The following APOOL variants were observed in gnomAD, a reference collection of about 807,000 sequenced individuals.
The protein encoded by APOOL is apolipoprotein O like, also known as MICOS complex subunit MIC27.
In APOOL, 12 loss-of-function variants were observed where a neutral mutation model predicts 23.1. The observed-to-expected ratio is 0.52, with a 90% confidence interval of 0.33 to 0.84. The LOEUF (loss-of-function observed/expected upper bound fraction) is 0.84, where lower values mean the gene tolerates loss of function less well. Ranked by LOEUF, APOOL falls within the 40% of genes least tolerant of loss-of-function variation. The pLI is 0.02. For synonymous variants in APOOL, 77 were observed against 69.9 expected, an observed-to-expected ratio of 1.10 and a Z score of -0.51; for missense variants, 212 against 199.6, an observed-to-expected ratio of 1.06 and a Z score of -0.37.
At chrX:85,024,164 T>G (rs1234052629) in intron 1 of APOOL, among the ~76,000 whole-genome samples, 2 of 112,533 alleles carry the variant, frequency 1.8e-5, no homozygotes, top group African/African-American at 6.5e-5. Flanking sequence ...TTAAGCATTT[T>G]AAACCAGCAA....
chrX:85,038,049 G>A (rs1229922689), intron 1 of APOOL, among the ~76,000 whole-genome samples: 3 of 111,833 alleles, frequency 2.7e-5, no homozygotes, highest in African/African-American at 6.5e-5. Flanking sequence ...AACCTACAGA[G>A]TGGGAGAAAA....
intron 1 of APOOL, among the ~76,000 whole-genome samples, chrX:85,039,738 T>C (rs976786891): frequency 2.7e-5 from 3 of 111,818 alleles, no homozygotes; most frequent in African/African-American, 9.8e-5. Context: ...CTTTTTCATA[T>C]TGTGTTTCCT....
chrX:85,013,866 C>A (rs753883912), intron 1 of APOOL, among the ~76,000 whole-genome samples: 7 of 111,391 alleles, frequency 6.3e-5, no homozygotes, highest in Non-Finnish European at 1.3e-4. Context: ...TCCATTGTTT[C>A]TTTGTTGACT....
intron 1 of APOOL, among the ~76,000 whole-genome samples, chrX:85,023,358 C>T (rs1418674468): frequency 9.0e-6 from 1 of 111,497 alleles, no homozygotes; most frequent in Non-Finnish European, 1.9e-5. Flanking sequence ...TAAATTTAGC[C>T]AAGTAAGTGA....
In APOOL at chrX:85,088,316, GTTTTTTTTTTTTTTTT is replaced by G. The variant is rs766497759; in HGVS notation, c.*652_*667del. 8.9e-5 allele frequency: 2 copies of G among 22,533 alleles called. No individual in the cohort carries two copies. Among genetic ancestry groups the G allele is most frequent in the East Asian group, 1.7e-3 (1 of 589 alleles). The allele number at this position is 22,533 out of a possible 1,213,427, so 1.9% of individuals were successfully genotyped here. A position where few individuals can be genotyped will look rare whatever the true frequency, so the allele number is the denominator to read the frequency against. ...TGTATGGAAAGGTGTGTTTCCCTCT[GTTTTTTTTTTTTTTTT>G]TTTTTTTTTTTTTCCCATTTCCTAG... On this transcript the variant is annotated 3_prime_UTR_variant, in exon 9 of 9. Coordinates refer to ENST00000373173, the MANE Select transcript of APOOL (RefSeq NM_198450.6).
chrX:85,055,083 G>A (rs1475521997), intron 4 of APOOL, among the ~76,000 whole-genome samples: 2 of 111,723 alleles, frequency 1.8e-5, no homozygotes, highest in Non-Finnish European at 3.8e-5. Flanking sequence ...GAGCTAAAAT[G>A]TTGAATGTTT....
At chrX:85,028,950 G>A (rs1921938796) in intron 1 of APOOL, among the ~76,000 whole-genome samples, 1 of 111,407 alleles carries the variant, frequency 9.0e-6, no homozygotes, top group African/African-American at 3.3e-5. Flanking sequence ...TGGACACTTA[G>A]GTTGTTTCCA....
At chrX:85,067,807 A>T (rs1309237759) in intron 6 of APOOL, among the ~76,000 whole-genome samples, 1 of 111,621 alleles carries the variant, frequency 9.0e-6, no homozygotes, top group Non-Finnish European at 1.9e-5. Flanking sequence ...TCAGTGTTTT[A>T]TTTTTAACAC....
chrX:85,023,447 G>C (rs777082667), intron 1 of APOOL, among the ~76,000 whole-genome samples: 10 of 111,722 alleles, frequency 9.0e-5, no homozygotes, highest in Non-Finnish European at 1.9e-4. Context: ...GTTATGAATT[G>C]AGAGAATTCA....
rs1043720612 is a variant in APOOL at position 85,054,249 on chromosome X, A to G, written c.241-95A>G. 135 of 774,835 alleles carry G rather than the reference A, an allele frequency of 1.7e-4. 1 individual carries two copies. In the African/African-American group the frequency reaches 2.4e-3, roughly 14 times the overall value. 63.9% of individuals were successfully genotyped at this position (774,835 alleles called of 1,213,427 possible). A position where few individuals can be genotyped will look rare whatever the true frequency, so the allele number is the denominator to read the frequency against. On this transcript the variant is annotated intron_variant, in intron 3 of 8. Coordinates refer to ENST00000373173, the MANE Select transcript of APOOL (RefSeq NM_198450.6). ...TAGATTTGGGCATAATGTTAAGTCAACCTTTTAATATAATCTCAGAGATGC... is the reference window on the plus strand; with the variant it reads ...TAGATTTGGGCATAATGTTAAGTCAGCCTTTTAATATAATCTCAGAGATGC...
At position 85,091,999 on chromosome X, in the gene APOOL, AC is replaced by A; in HGVS notation, c.*4322del. On this transcript the variant is annotated 3_prime_UTR_variant, in exon 9 of 9. Transcript: ENST00000373173. Reference sequence around the variant, plus strand: ...CAAAAGTTTGAGACCAGCCTGAGCAACATAGCAAGATCCTGCCTCTAAAAAC... The same window carrying A: ...CAAAAGTTTGAGACCAGCCTGAGCAAATAGCAAGATCCTGCCTCTAAAAAC... 8.0e-6 allele frequency: 1 copy of A among 124,372 alleles called. No individual in the cohort carries two copies. The highest frequency in any genetic ancestry group is 1.7e-5 in the Non-Finnish European group (1 of 60,414). The allele number at this position is 124,372 out of a possible 1,213,427, so 10.2% of individuals were successfully genotyped here. A position where few individuals can be genotyped will look rare whatever the true frequency, so the allele number is the denominator to read the frequency against.
chrX:85,013,364 T>G (rs1921357288), intron 1 of APOOL, among the ~76,000 whole-genome samples: 1 of 111,694 alleles, frequency 9.0e-6, no homozygotes, highest in South Asian at 3.7e-4. Flanking sequence ...TCTTCTAGCT[T>G]TAGGTTTAGT....
chrX:85,015,951 G>T (rs1445879837), intron 1 of APOOL, among the ~76,000 whole-genome samples: 1 of 110,612 alleles, frequency 9.0e-6, no homozygotes, highest in Non-Finnish European at 1.9e-5. Flanking sequence ...TAGTTATAAA[G>T]AGAGCCTTTG....
chrX:85,041,198 G>A (rs1342763597), intron 1 of APOOL, among the ~76,000 whole-genome samples: 1 of 111,908 alleles, frequency 8.9e-6, no homozygotes, highest in Non-Finnish European at 1.9e-5. Context: ...TGGTAGGGAA[G>A]CTCTGCTCAG....
At chrX:85,014,936 T>G (rs751344747) in intron 1 of APOOL, among the ~76,000 whole-genome samples, 2 of 110,880 alleles carry the variant, frequency 1.8e-5, no homozygotes, top group African/African-American at 6.5e-5. Context: ...GAGATTTCTC[T>G]TCTTCCTCAG....
In APOOL at chrX:85,087,492, T is replaced by C. The variant is rs1313668127; in HGVS notation, c.719-98T>C. ...AACTCAAATGTTAGGTCTGTGTCAC[T>C]AGAGATTTTTATCTGGTTTGTTCGC... On this transcript the variant is annotated intron_variant, in intron 8 of 8. Coordinates refer to ENST00000373173, the MANE Select transcript of APOOL (RefSeq NM_198450.6). 5.8e-6 allele frequency: 4 copies of C among 686,624 alleles called. No homozygotes were observed. In the African/African-American group the frequency reaches 8.9e-5, roughly 15 times the overall value. 56.6% of individuals were successfully genotyped at this position (686,624 alleles called of 1,213,427 possible). A position where few individuals can be genotyped will look rare whatever the true frequency, so the allele number is the denominator to read the frequency against.
intron 5 of APOOL, among the ~76,000 whole-genome samples, chrX:85,065,610 A>G (rs974603152): frequency 1.8e-5 from 2 of 110,972 alleles, no homozygotes; most frequent in Non-Finnish European, 3.8e-5. Context: ...GTTTAAAAAT[A>G]GAGGAGAATA....
chrX:85,055,722 C>A, intron 4 of APOOL, 105 bp from the exon 5 acceptor site: 1 of 521,513 alleles, frequency 1.9e-6, no homozygotes, highest in Non-Finnish European at 2.9e-6. Flanking sequence ...ATATTTAAAC[C>A]TCATTATTAT....
At chrX:85,020,157 G>A (rs1381684664) in intron 1 of APOOL, among the ~76,000 whole-genome samples, 1 of 111,887 alleles carries the variant, frequency 8.9e-6, no homozygotes, top group Non-Finnish European at 1.9e-5. Context: ...TCAGAGAAAA[G>A]CATCAGCAAG....
Sources: gnomAD v4.1 joint callset for allele counts (sites outside exome capture counted in the v4.1 genomes callset) on GRCh38, gnomAD v4.1.1 for gene constraint, MANE v1.5 for transcripts, NCBI Gene and HGNC (gene_info 2026-07-23, HGNC 2026-07-21) for gene names.